The following DNM2 variants were observed in gnomAD, a reference collection of about 807,000 sequenced individuals.
DNM2 encodes the protein dynamin-2.
In DNM2, 15 loss-of-function variants were observed where a neutral mutation model predicts 99.0. The ratio of observed to expected loss-of-function variants is 0.15; its 90% confidence interval spans 0.10 to 0.23. DNM2 has a LOEUF of 0.23. DNM2 is among the 10% of genes least tolerant of loss of function. The pLI, the probability that DNM2 is intolerant of heterozygous loss-of-function variation, is 1.00. For missense variants in DNM2, 742 were observed against 1,189.4 expected (o/e 0.62, Z 5.53); for synonymous variants, 525 against 481.2 (o/e 1.09, Z -1.19).
Position 10,772,779 on chromosome 19 carries a change from C to A in DNM2, c.385+151C>A. The A allele has an allele frequency of 8.0e-7, 1 of 1,251,792 alleles. No individual in the cohort carries two copies. The highest frequency in any genetic ancestry group is 1.1e-6 in the Non-Finnish European group (1 of 890,458). 77.5% of individuals were successfully genotyped at this position (1,251,792 alleles called of 1,614,324 possible). A position where few individuals can be genotyped will look rare whatever the true frequency, so the allele number is the denominator to read the frequency against. ...ACACACATAGCCCCTTGATCTGTAT[C>A]TTCCCACTTGTGCTAGGTATGTAGT... On this transcript the variant is annotated intron_variant, in intron 3 of 20. Coordinates refer to ENST00000389253, the MANE Select transcript of DNM2 (RefSeq NM_001005361.3). This position sits in a 1 kb window ranked among gnomAD's most constrained non-coding sequence, Gnocchi z 4.9.
intron 18 of DNM2, among the ~76,000 whole-genome samples, chr19:10,826,332 A>G (rs903827156): frequency 2.0e-5 from 3 of 152,168 alleles, no homozygotes; most frequent in Admixed American, 2.0e-4. Flanking sequence ...AGTGGGATTC[A>G]AACCCACGTT....
intron 5 of DNM2, among the ~76,000 whole-genome samples, chr19:10,780,827 C>A (rs1261262244): frequency 6.6e-6 from 1 of 151,992 alleles, no homozygotes; most frequent in Non-Finnish European, 1.5e-5. Context: ...CTTTGGGAGA[C>A]CAAGGCGGGT....
At chr19:10,721,574 CTCTT>C (rs1476038584) in intron 1 of DNM2, among the ~76,000 whole-genome samples, 5 of 152,108 alleles carry the variant, frequency 3.3e-5, no homozygotes, top group African/African-American at 4.8e-5. Context: ...GATAAGGTCT[CTCTT>C]TGTTGCCGAG....
At chr19:10,792,280 A>C (rs2071779741) in intron 7 of DNM2, among the ~76,000 whole-genome samples, 2 of 152,108 alleles carry the variant, frequency 1.3e-5, no homozygotes, top group South Asian at 4.1e-4. Context: ...TTTCTTTGGC[A>C]GCCCAGCCTT....
Position 10,796,938 on chromosome 19 carries a change from C to T in DNM2, c.1197-442C>T, listed in dbSNP as rs1362906238. ...CTGTGCTTGCGCGACCACAGTGTCCCCAGCGCTCCGGGTTGCCAGGGAATT... is the reference window on the plus strand; with the variant it reads ...CTGTGCTTGCGCGACCACAGTGTCCTCAGCGCTCCGGGTTGCCAGGGAATT... On this transcript the variant is annotated intron_variant, in intron 9 of 20. Coordinates refer to ENST00000389253, the MANE Select transcript of DNM2 (RefSeq NM_001005361.3). The surrounding 1 kb of genome is among the most constrained non-coding windows in gnomAD (Gnocchi z 5.6). Among the ~76,000 whole-genome samples, 1 of 152,134 alleles carries T rather than the reference C, an allele frequency of 6.6e-6. No homozygotes were observed. Among genetic ancestry groups the T allele is most frequent in the African/African-American group, 2.4e-5 (1 of 41,444 alleles).
intron 17 of DNM2, 195 bp from the exon 18 acceptor site, chr19:10,824,862 C>G: frequency 1.3e-6 from 1 of 767,578 alleles, no homozygotes; most frequent in Non-Finnish European, 2.1e-6. Flanking sequence ...GGGATCCACC[C>G]CAGCATCAGC....
At chr19:10,771,382 A>G (rs2070973171) in intron 2 of DNM2, among the ~76,000 whole-genome samples, 1 of 152,078 alleles carries the variant, frequency 6.6e-6, no homozygotes, top group Non-Finnish European at 1.5e-5. Context: ...TGACTTTCAG[A>G]TACCCCCGGG....
chr19:10,785,436 CT>C (rs929878706), intron 6 of DNM2, among the ~76,000 whole-genome samples: 39 of 151,930 alleles, frequency 2.6e-4, no homozygotes, highest in African/African-American at 8.9e-4. Flanking sequence ...CATGCCCAGC[CT>C]TTTTGATTTT....
intron 7 of DNM2, among the ~76,000 whole-genome samples, chr19:10,792,484 G>A (rs931693830): frequency 2.0e-5 from 3 of 152,250 alleles, no homozygotes; most frequent in East Asian, 3.8e-4. Flanking sequence ...TATTCACGAT[G>A]CCAATAGGCA....
Position 10,791,463 on chromosome 19 carries a change from A to G in DNM2, c.993-2257A>G, listed in dbSNP as rs113818299. ...CTGTGATATTCTCTTGACTGATTAC[A>G]TCTGCAGTGACCCTGTTTCCAAATA... On this transcript the variant is annotated intron_variant, in intron 7 of 20. Coordinates refer to ENST00000389253, the MANE Select transcript of DNM2 (RefSeq NM_001005361.3). Among the ~76,000 whole-genome samples, 464 of 152,284 alleles carry G rather than the reference A, an allele frequency of 3.0e-3. 1 individual carries two copies. The highest frequency in any genetic ancestry group is 0.011 in the African/African-American group (447 of 41,566).
At position 10,775,217 on chromosome 19, in the gene DNM2, G is replaced by A. The variant is rs1164184042; in HGVS notation, c.386-486G>A. Among the ~76,000 whole-genome samples the A allele has an allele frequency of 1.3e-5, 2 of 152,220 alleles. No individual in the cohort carries two copies. The highest frequency in any genetic ancestry group is 3.9e-4 in the East Asian group (2 of 5,166). On this transcript the variant is annotated intron_variant, in intron 3 of 20. Coordinates refer to ENST00000389253, the MANE Select transcript of DNM2 (RefSeq NM_001005361.3). This position sits in a 1 kb window ranked among gnomAD's most constrained non-coding sequence, Gnocchi z 4.3. ...ATGCCTCAGCCTCCAGAGTAGCTGGGAGTACAAGTGTGTGCTACCACGCCC... is the reference window on the plus strand; with the variant it reads ...ATGCCTCAGCCTCCAGAGTAGCTGGAAGTACAAGTGTGTGCTACCACGCCC...
chr19:10,766,507 T>C (rs754638867), intron 2 of DNM2, among the ~76,000 whole-genome samples: 1 of 152,124 alleles, frequency 6.6e-6, no homozygotes, highest in Non-Finnish European at 1.5e-5. Context: ...ATTGACTGTT[T>C]AGCACAGTGG....
At chr19:10,787,322 C>T (rs554380564) in intron 7 of DNM2, among the ~76,000 whole-genome samples, 24 of 152,002 alleles carry the variant, frequency 1.6e-4, no homozygotes, top group Non-Finnish European at 2.9e-4. Context: ...ATACAAAAAA[C>T]TAGCCAGGCG....
chr19:10,746,063 A>C (rs1744480797), intron 1 of DNM2, among the ~76,000 whole-genome samples: 1 of 152,102 alleles, frequency 6.6e-6, no homozygotes. Flanking sequence ...GGTTCAAGCG[A>C]TTCTCGTGCC....
chr19:10,745,791 A>C (rs2069944076), intron 1 of DNM2, among the ~76,000 whole-genome samples: 2 of 152,212 alleles, frequency 1.3e-5, no homozygotes, highest in African/African-American at 4.8e-5. Context: ...GGAGGTGGGC[A>C]TCAGTAGGGG....
chr19:10,819,897 G>A, intron 15 of DNM2, 83 bp from the exon 16 acceptor site: 1 of 1,279,664 alleles, frequency 7.8e-7, no homozygotes, highest in African/African-American at 1.5e-5. Context: ...GGCTGGTGGT[G>A]GCGCATGCTA....
chr19:10,828,784 C>T (rs1378253516), intron 18 of DNM2, among the ~76,000 whole-genome samples: 5 of 151,062 alleles, frequency 3.3e-5, no homozygotes, highest in African/African-American at 1.2e-4. Context: ...CTTAGCCAAG[C>T]ATGGTGTCAA....
At chr19:10,790,681 T>A (rs1358578385) in intron 7 of DNM2, among the ~76,000 whole-genome samples, 1 of 152,216 alleles carries the variant, frequency 6.6e-6, no homozygotes. Context: ...TTGGCCAGGC[T>A]GGTGTCGAAC....
At chr19:10,788,290 GC>G (rs973784314) in intron 7 of DNM2, among the ~76,000 whole-genome samples, 52 of 152,234 alleles carry the variant, frequency 3.4e-4, no homozygotes, top group Admixed American at 1.3e-4. Flanking sequence ...GCAGGTGAGG[GC>G]AGGGCAGGAG....
Sources: allele counts gnomAD v4.1 joint callset (sites outside exome capture counted in the v4.1 genomes callset), GRCh38; gene constraint gnomAD v4.1.1; non-coding constraint Gnocchi (gnomAD v3.1); transcripts MANE v1.5; gene names NCBI Gene and HGNC (gene_info 2026-07-23, HGNC 2026-07-21).